Variants in SLCO1A2 observed in about 807,000 individuals in gnomAD.
SLCO1A2 encodes the protein solute carrier organic anion transporter family member 1A2, also known as OATP-1.
In SLCO1A2, 67 loss-of-function variants were observed where a neutral mutation model predicts 69.0. That is an observed-to-expected ratio of 0.97 (90% CI 0.80 to 1.19). The LOEUF is 1.19. Among genes scored for constraint, SLCO1A2 ranks in the 50% most tolerant of loss-of-function variants. SLCO1A2 has a pLI of 0.00. For missense variants in SLCO1A2, 787 were observed against 793.7 expected, an observed-to-expected ratio of 0.99 and a Z score of 0.10; for synonymous variants, 260 against 265.9, an observed-to-expected ratio of 0.98 and a Z score of 0.22.
At chr12:21,404,482 T>G (rs1404432945) in intron 1 of SLCO1A2, among the ~76,000 whole-genome samples, 1 of 152,064 alleles carries the variant, frequency 6.6e-6, no homozygotes, top group Non-Finnish European at 1.5e-5. Context: ...GAGAAACATG[T>G]GGTGTTTAGT....
At chr12:21,276,781 G>C (rs542979629) in intron 12 of SLCO1A2, among the ~76,000 whole-genome samples, 4 of 152,310 alleles carry the variant, frequency 2.6e-5, no homozygotes, top group Admixed American at 2.6e-4. Context: ...ATCCTGTGCT[G>C]CCCTGTCACA....
At chr12:21,359,000 A>G (rs1938598722) in intron 2 of SLCO1A2, among the ~76,000 whole-genome samples, 1 of 152,342 alleles carries the variant, frequency 6.6e-6, no homozygotes, top group African/African-American at 2.4e-5. Flanking sequence ...ATAATGACTT[A>G]TCTTCAGAAT....
intron 10 of SLCO1A2, chr12:21,295,372 A>G (rs1947551216): frequency 2.2e-6 from 1 of 458,974 alleles, no homozygotes; most frequent in South Asian, 2.5e-5. Context: ...ACATGCACAT[A>G]CAATCATAAA....
chr12:21,301,458 C>G (rs925768251), intron 6 of SLCO1A2, among the ~76,000 whole-genome samples, 189 bp from the exon 7 acceptor site: 1 of 152,044 alleles, frequency 6.6e-6, no homozygotes, highest in African/African-American at 2.4e-5. Context: ...GAAAAAGAAG[C>G]CTCATAATTT....
chr12:21,389,105 T>A (rs1941031327), intron 1 of SLCO1A2, among the ~76,000 whole-genome samples: 1 of 152,214 alleles, frequency 6.6e-6, no homozygotes, highest in Admixed American at 6.5e-5. Context: ...CTAAAATGGG[T>A]AATGTACTAC....
intron 2 of SLCO1A2, among the ~76,000 whole-genome samples, chr12:21,327,300 G>A (rs1952311343): frequency 6.6e-6 from 1 of 152,188 alleles, no homozygotes; most frequent in Admixed American, 6.5e-5. Context: ...CCCTCATGGA[G>A]AACCTCTGCT....
At chr12:21,300,320 T>C (rs1390727799) in intron 8 of SLCO1A2, 28 bp downstream of exon 8, 1 of 1,483,520 alleles carries the variant, frequency 6.7e-7, no homozygotes, top group South Asian at 1.2e-5. Flanking sequence ...AAGGTCAATT[T>C]CATAGTATTT....
intron 12 of SLCO1A2, among the ~76,000 whole-genome samples, chr12:21,278,185 A>G (rs2136138643): frequency 1.3e-5 from 2 of 152,106 alleles, no homozygotes; most frequent in Admixed American, 1.3e-4. Flanking sequence ...AGAGAAGAGT[A>G]AAAAGGTGTT....
intron 12 of SLCO1A2, among the ~76,000 whole-genome samples, chr12:21,284,530 C>G (rs569454110): frequency 1.6e-3 from 246 of 151,058 alleles, no homozygotes; most frequent in African/African-American, 5.8e-3. Context: ...CAGAATTCTC[C>G]ACCCCAAATC....
chr12:21,284,249 T>A (rs1450513344), intron 12 of SLCO1A2, among the ~76,000 whole-genome samples: 2 of 151,812 alleles, frequency 1.3e-5, no homozygotes, highest in African/African-American at 2.4e-5. Flanking sequence ...AAAAAAAGAA[T>A]GAGGGGGAGG....
At chr12:21,411,422 C>A (rs747826624) in intron 1 of SLCO1A2, among the ~76,000 whole-genome samples, 3 of 152,156 alleles carry the variant, frequency 2.0e-5, no homozygotes, top group Admixed American at 2.0e-4. Context: ...AAATCCCAAA[C>A]ATATTTCGAC....
chr12:21,313,242 T>A (rs1438183197), intron 4 of SLCO1A2, among the ~76,000 whole-genome samples: 1 of 152,196 alleles, frequency 6.6e-6, no homozygotes, highest in African/African-American at 2.4e-5. Context: ...TTATCAAATA[T>A]GACCCAGACA....
rs567759976 is a variant in SLCO1A2, at chr12:21,332,810, C to T, written c.60+1778G>A. Among the ~76,000 whole-genome samples, 4 of 152,168 alleles carry T rather than the reference C, an allele frequency of 2.6e-5. No homozygotes were observed. The East Asian group carries it at 7.8e-4, about 30-fold the overall frequency. ...GTGACCTAATCACCTCTCGAAGGCC[C>T]CACTTCCTACTGCCATCACCTTAGA... On this transcript the variant is annotated intron_variant, in intron 2 of 14. Coordinates refer to ENST00000683939, the MANE Select transcript of SLCO1A2 (RefSeq NM_001386879.1).
At chr12:21,279,359 G>T (rs1280791635) in intron 12 of SLCO1A2, among the ~76,000 whole-genome samples, 1 of 152,100 alleles carries the variant, frequency 6.6e-6, no homozygotes, top group Non-Finnish European at 1.5e-5. Flanking sequence ...GTGCAAGAAG[G>T]TTATAGAATA....
intron 2 of SLCO1A2, chr12:21,373,422 C>T: frequency 6.2e-7 from 1 of 1,610,544 alleles, no homozygotes; most frequent in Non-Finnish European, 8.5e-7. Context: ...AAAGCTACAC[C>T]CATTGAAAGG....
chr12:21,376,101 T>C (rs1242982007), intron 1 of SLCO1A2, among the ~76,000 whole-genome samples: 1 of 152,192 alleles, frequency 6.6e-6, no homozygotes, highest in Admixed American at 6.6e-5. Context: ...CTAAGTGGAA[T>C]GATGGCCCAT....
At chr12:21,300,732 T>C (rs916530113) in intron 7 of SLCO1A2, among the ~76,000 whole-genome samples, 163 bp from the exon 8 acceptor site, 2 of 152,198 alleles carry the variant, frequency 1.3e-5, no homozygotes, top group Admixed American at 6.5e-5. Context: ...TGTTGTAATA[T>C]TGTCTAGTAA....
At position 21,292,000 on chromosome 12, in the gene SLCO1A2, C is replaced by T. The variant is rs376860480; in HGVS notation, c.1610+164G>A. On this transcript the variant is annotated intron_variant, in intron 12 of 14. Transcript: ENST00000683939. ...AGCAGATGAACATGTGCATTGCTAA[C>T]TTTAAAATTTTGTGAAATCCAACAA... is the stretch of plus-strand genomic sequence containing the variant. 1.5e-3 allele frequency among the ~76,000 whole-genome samples: 221 copies of T among 152,232 alleles called. 7 individuals are homozygous for T. In the South Asian group the frequency reaches 0.045, roughly 31 times the overall value.
intron 1 of SLCO1A2, among the ~76,000 whole-genome samples, chr12:21,393,052 A>G (rs7312451): frequency 0.69 from 103,992 of 151,652 alleles, 35,771 homozygotes; most frequent in Middle Eastern, 0.79. Flanking sequence ...TGCCTCCTGG[A>G]GCAGAATCAC....
Sources: allele counts gnomAD v4.1 joint callset (sites outside exome capture counted in the v4.1 genomes callset), GRCh38; gene constraint gnomAD v4.1.1; transcripts MANE v1.5; gene names NCBI Gene and HGNC (gene_info 2026-07-23, HGNC 2026-07-21).